Variants in MOXD1 observed in about 807,000 individuals in gnomAD.
MOXD1 encodes monooxygenase DBH like 1.
In MOXD1, 62 loss-of-function variants were observed where a neutral mutation model predicts 66.6. The ratio of observed to expected loss-of-function variants is 0.93; its 90% CI spans 0.76 to 1.15. The LOEUF (loss-of-function observed/expected upper bound fraction) is 1.15, where lower values mean the gene tolerates loss of function less well. MOXD1 is among the 50% of genes most tolerant of loss of function. MOXD1 has a pLI of 0.00. For missense variants in MOXD1, 847 were observed against 754.6 expected, an observed-to-expected ratio of 1.12 and a Z score of -1.44; for synonymous variants, 303 against 281.9, an observed-to-expected ratio of 1.07 and a Z score of -0.75.
At chr6:132,381,421 A>C (rs1411267730) in intron 1 of MOXD1, among the ~76,000 whole-genome samples, 1 of 152,182 alleles carries the variant, frequency 6.6e-6, no homozygotes, top group African/African-American at 2.4e-5. Flanking sequence ...CCAATCTTAA[A>C]AGCACAATTA....
chr6:132,311,873 A>G (rs969543453), intron 10 of MOXD1, among the ~76,000 whole-genome samples: 6 of 152,112 alleles, frequency 3.9e-5, no homozygotes, highest in African/African-American at 1.4e-4. Context: ...CTTGTTCTGC[A>G]TTACCTGAAC....
Position 132,303,878 on chromosome 6 carries a change from T to TAC in MOXD1, c.1509-5925_1509-5924dup, listed in dbSNP as rs1324749920. 4.3e-3 allele frequency among the ~76,000 whole-genome samples: 194 copies of TAC among 45,644 alleles called. 1 individual carries two copies. The highest frequency in any genetic ancestry group is 6.4e-3 in the Non-Finnish European group (157 of 24,520). 29.9% of individuals were successfully genotyped at this position (45,644 alleles called of 152,430 possible). ...ATATATATATATATATATATATATA[T>TAC]ACATATATACATAAAACCTTAGGAC... On this transcript the variant is annotated intron_variant, in intron 10 of 11. Coordinates refer to ENST00000367963, the MANE Select transcript of MOXD1 (RefSeq NM_015529.4).
At chr6:132,324,387 A>T (rs892708556) in intron 6 of MOXD1, among the ~76,000 whole-genome samples, 1 of 152,190 alleles carries the variant, frequency 6.6e-6, no homozygotes, top group Non-Finnish European at 1.5e-5. Context: ...GTTATATTCC[A>T]CAATTATCTA....
intron 4 of MOXD1, among the ~76,000 whole-genome samples, chr6:132,349,827 A>T (rs1001183439): frequency 3.9e-5 from 6 of 152,094 alleles, no homozygotes; most frequent in African/African-American, 1.4e-4. Flanking sequence ...TGCAGGAGTA[A>T]GGTGGTATTG....
chr6:132,362,067 T>G (rs1446417471), intron 4 of MOXD1, among the ~76,000 whole-genome samples: 1 of 152,104 alleles, frequency 6.6e-6, no homozygotes, highest in African/African-American at 2.4e-5. Flanking sequence ...TATTAAAAAT[T>G]TCATTGTTGT....
intron 2 of MOXD1, 43 bp downstream of exon 2, chr6:132,374,588 T>C (rs2114665342): frequency 1.9e-6 from 3 of 1,583,510 alleles, no homozygotes; most frequent in South Asian, 1.1e-5. Flanking sequence ...CAAGTGTAAA[T>C]ATACAATTTG....
intron 4 of MOXD1, among the ~76,000 whole-genome samples, chr6:132,339,867 C>CTT (rs373137834): frequency 0.037 from 4,959 of 132,304 alleles, 242 homozygotes; most frequent in African/African-American, 0.1. Context: ...AGCTACAGCT[C>CTT]TTTTTTTTTT....
chr6:132,327,551 A>G (rs1215548765), intron 6 of MOXD1, among the ~76,000 whole-genome samples: 1 of 152,230 alleles, frequency 6.6e-6, no homozygotes, highest in Non-Finnish European at 1.5e-5. Flanking sequence ...TCAATATCAT[A>G]TTACACGGTG....
intron 10 of MOXD1, among the ~76,000 whole-genome samples, chr6:132,304,264 G>A (rs1482214248): frequency 6.6e-6 from 1 of 152,136 alleles, no homozygotes; most frequent in Non-Finnish European, 1.5e-5. Flanking sequence ...CATCTTGGAA[G>A]TGGAGAGCAA....
At chr6:132,333,839 T>C (rs1013366077) in intron 4 of MOXD1, among the ~76,000 whole-genome samples, 2 of 152,098 alleles carry the variant, frequency 1.3e-5, no homozygotes, top group Non-Finnish European at 2.9e-5. Flanking sequence ...AACTACTGTG[T>C]GTATTAAAGG....
At chr6:132,370,307 T>C (rs1383162445) in intron 4 of MOXD1, among the ~76,000 whole-genome samples, 1 of 152,078 alleles carries the variant, frequency 6.6e-6, no homozygotes, top group Non-Finnish European at 1.5e-5. Context: ...AAGTCCTAGA[T>C]TTATGAATTC....
At chr6:132,368,919 C>T (rs1234776206) in intron 4 of MOXD1, among the ~76,000 whole-genome samples, 7 of 152,018 alleles carry the variant, frequency 4.6e-5, no homozygotes, top group Admixed American at 2.0e-4. Context: ...TTTCCAAATA[C>T]TTTCTTGTAA....
chr6:132,339,390 G>T (rs948067434), intron 4 of MOXD1, among the ~76,000 whole-genome samples: 4 of 152,062 alleles, frequency 2.6e-5, no homozygotes, highest in African/African-American at 9.7e-5. Flanking sequence ...ACCAACAAAA[G>T]CCCCACCTAT....
chr6:132,398,800 A>T (rs7755527), intron 1 of MOXD1, among the ~76,000 whole-genome samples: 1 of 151,358 alleles, frequency 6.6e-6, no homozygotes, highest in Non-Finnish European at 1.5e-5. Flanking sequence ...TCAGCCTGGC[A>T]TGGTGACAGG....
intron 4 of MOXD1, 92 bp downstream of exon 4, chr6:132,372,516 C>A: frequency 8.4e-7 from 1 of 1,191,646 alleles, no homozygotes; most frequent in African/African-American, 1.6e-5. Flanking sequence ...AATTGAAAAA[C>A]ATTTCTATAC....
chr6:132,378,742 T>C (rs1776445584), intron 1 of MOXD1, among the ~76,000 whole-genome samples: 3 of 152,086 alleles, frequency 2.0e-5, no homozygotes. Context: ...AATCTACTCA[T>C]GGGTAAAAAC....
At chr6:132,317,892 G>A (rs1356714954) in intron 9 of MOXD1, among the ~76,000 whole-genome samples, 1 of 151,870 alleles carries the variant, frequency 6.6e-6, no homozygotes, top group Non-Finnish European at 1.5e-5. Context: ...ATTGAAGTAT[G>A]TATCCCTAAA....
At chr6:132,374,486 TAAAA>T in intron 2 of MOXD1, 141 bp downstream of exon 2, 2 of 840,174 alleles carry the variant, frequency 2.4e-6, no homozygotes, top group South Asian at 4.2e-5. Flanking sequence ...AAGAAAAAAC[TAAAA>T]AAAAAACTAA....
At chr6:132,390,783 C>T (rs1776744735) in intron 1 of MOXD1, 1 of 151,298 alleles carries the variant, frequency 6.6e-6, no homozygotes, top group South Asian at 2.1e-4. Context: ...CATGAGAACA[C>T]ACTGTAAGGA....
Sources: allele counts gnomAD v4.1 joint callset (sites outside exome capture counted in the v4.1 genomes callset), GRCh38; gene constraint gnomAD v4.1.1; transcripts MANE v1.5; gene names NCBI Gene and HGNC (gene_info 2026-07-23, HGNC 2026-07-21).